Variants in COL21A1 observed in about 807,000 individuals in gnomAD.
The protein encoded by COL21A1 is collagen type XXI alpha 1 chain, also known as collagen alpha-1(XXI) chain.
Under a neutral mutation model 137.9 loss-of-function variants are expected in COL21A1, and 149 were observed. The ratio of observed to expected loss-of-function variants is 1.08; its 90% CI spans 0.95 to 1.24. COL21A1 has a LOEUF of 1.24. Among genes scored for constraint, COL21A1 ranks in the 50% most tolerant of loss-of-function variants. The pLI, the probability that COL21A1 is intolerant of heterozygous loss-of-function variation, is 0.00. For missense variants in COL21A1, 1,167 were observed against 1,158.4 expected (o/e 1.01, Z -0.11); for synonymous variants, 456 against 391.5 (o/e 1.16, Z -1.95).
intron 19 of COL21A1, among the ~76,000 whole-genome samples, chr6:56,075,268 C>T (rs566643340): frequency 6.6e-6 from 1 of 151,132 alleles, no homozygotes; most frequent in East Asian, 1.9e-4. Flanking sequence ...TTTTGGGTGG[C>T]CAACTTTTTG....
intron 1 of COL21A1, among the ~76,000 whole-genome samples, chr6:56,358,473 T>G (rs1382728371): frequency 6.6e-6 from 1 of 152,174 alleles, no homozygotes; most frequent in African/African-American, 2.4e-5. Context: ...GTAATTTGAT[T>G]TATATCTTCC....
chr6:56,347,092 G>T (rs1329624019), intron 1 of COL21A1, among the ~76,000 whole-genome samples: 1 of 152,138 alleles, frequency 6.6e-6, no homozygotes, highest in Non-Finnish European at 1.5e-5. Flanking sequence ...TGCCTTTGCT[G>T]CACCAAACTG....
intron 17 of COL21A1, among the ~76,000 whole-genome samples, chr6:56,080,191 T>A (rs1232355722): frequency 1.3e-5 from 2 of 151,766 alleles, no homozygotes; most frequent in Non-Finnish European, 2.9e-5. Flanking sequence ...AGCAAATGTG[T>A]TTCCAAGGAG....
At chr6:56,102,904 C>T (rs12209192) in intron 16 of COL21A1, among the ~76,000 whole-genome samples, 23,114 of 152,056 alleles carry the variant, frequency 0.15, 1,792 homozygotes, top group Middle Eastern at 0.22. Context: ...AGAGAAGTTA[C>T]TGCTAATCCA....
At chr6:56,378,942 C>A (rs4415159) in intron 1 of COL21A1, among the ~76,000 whole-genome samples, 18,437 of 152,146 alleles carry the variant, frequency 0.12, 1,172 homozygotes, top group Middle Eastern at 0.17. Flanking sequence ...CTGGGTAATC[C>A]AGAGAATTCT....
intron 1 of COL21A1, among the ~76,000 whole-genome samples, chr6:56,195,206 C>G (rs1233824941): frequency 1.3e-5 from 2 of 152,078 alleles, no homozygotes; most frequent in Admixed American, 6.6e-5. Context: ...TTTGAGTATT[C>G]TCTTACAAGC....
At chr6:56,305,092 G>A (rs1354075997) in intron 1 of COL21A1, among the ~76,000 whole-genome samples, 1 of 152,252 alleles carries the variant, frequency 6.6e-6, no homozygotes, top group East Asian at 1.9e-4. Flanking sequence ...AGTGTGGTCT[G>A]AGAGACAGTT....
At chr6:56,154,125 A>G (rs1775548288) in intron 10 of COL21A1, among the ~76,000 whole-genome samples, 1 of 152,090 alleles carries the variant, frequency 6.6e-6, no homozygotes, top group South Asian at 2.1e-4. Context: ...TTATTGTGGG[A>G]GTGGGTTAGT....
chr6:56,101,573 T>C, intron 16 of COL21A1, 48 bp from the exon 17 acceptor site: 6 of 1,337,580 alleles, frequency 4.5e-6, no homozygotes, highest in Non-Finnish European at 6.3e-6. Flanking sequence ...TTTTGAGGTC[T>C]GCTTACCAAA....
intron 17 of COL21A1, among the ~76,000 whole-genome samples, chr6:56,082,237 T>C (rs907966521): frequency 6.6e-6 from 1 of 151,892 alleles, no homozygotes; most frequent in African/African-American, 2.4e-5. Flanking sequence ...GGGAAAGTCA[T>C]GTAGCCACCA....
chr6:56,290,501 T>A (rs952175396), intron 1 of COL21A1, among the ~76,000 whole-genome samples: 1 of 114,224 alleles, frequency 8.8e-6, no homozygotes, highest in Admixed American at 8.7e-5. Flanking sequence ...CTTAGGAGAT[T>A]TTTTTTTTTT....
upstream of COL21A1, among the ~76,000 whole-genome samples, chr6:56,251,837 G>A (rs1782863065): frequency 6.6e-6 from 1 of 152,168 alleles, no homozygotes; most frequent in South Asian, 2.1e-4. Context: ...TTTTCCTCTA[G>A]CAGTCCTATG....
chr6:56,234,440 C>A (rs1190470971), intron 1 of COL21A1, among the ~76,000 whole-genome samples: 2 of 151,568 alleles, frequency 1.3e-5, no homozygotes, highest in East Asian at 1.9e-4. Flanking sequence ...AAACTGTAAC[C>A]ATTTTCTTTC....
chr6:56,270,327 AT>A (rs1763497306), intron 1 of COL21A1, among the ~76,000 whole-genome samples: 2 of 152,254 alleles, frequency 1.3e-5, no homozygotes, highest in African/African-American at 4.8e-5. Context: ...AAAGAAGAGC[AT>A]TACATGACAC....
chr6:56,105,925 C>T (rs1770844976), intron 16 of COL21A1, among the ~76,000 whole-genome samples: 2 of 152,180 alleles, frequency 1.3e-5, no homozygotes, highest in Admixed American at 6.5e-5. Flanking sequence ...TTGTCCTTTA[C>T]CTCACTCTGC....
At chr6:56,172,903 G>A (rs1777176214) in intron 3 of COL21A1, among the ~76,000 whole-genome samples, 2 of 151,400 alleles carry the variant, frequency 1.3e-5, no homozygotes, top group Middle Eastern at 3.4e-3. Context: ...AAATACCTAC[G>A]GAAGATAAAT....
chr6:56,315,420 G>C (rs72870239), intron 1 of COL21A1, among the ~76,000 whole-genome samples: 5,973 of 152,226 alleles, frequency 0.039, 150 homozygotes, highest in South Asian at 0.065. Flanking sequence ...AAATTTAGAA[G>C]TATGGAGAGA....
At chr6:56,306,746 C>G (rs1764469772) in intron 1 of COL21A1, among the ~76,000 whole-genome samples, 1 of 131,218 alleles carries the variant, frequency 7.6e-6, no homozygotes, top group Non-Finnish European at 1.7e-5. Flanking sequence ...AAGTCATTCT[C>G]CATCCAGCTT....
chr6:56,307,579 G>T (rs558614519), intron 1 of COL21A1, among the ~76,000 whole-genome samples: 1 of 152,234 alleles, frequency 6.6e-6, no homozygotes, highest in Non-Finnish European at 1.5e-5. Context: ...GAAAAACACA[G>T]TATTAGGGTG....
Sources: gnomAD v4.1 joint callset for allele counts (sites outside exome capture counted in the v4.1 genomes callset) on GRCh38, gnomAD v4.1.1 for gene constraint, MANE v1.5 for transcripts, NCBI Gene and HGNC (gene_info 2026-07-23, HGNC 2026-07-21) for gene names.